ACER3: variants seen among roughly 807,000 people sequenced by gnomAD.
ACER3 encodes the protein alkaline ceramidase 3, also known as alkCDase 3.
A neutral mutation model predicts 48.9 loss-of-function variants in ACER3; 16 were observed. The ratio of observed to expected loss-of-function variants is 0.33; its 90% CI spans 0.22 to 0.50. ACER3 has a LOEUF of 0.50. ACER3 is among the 20% of genes least tolerant of loss of function. The pLI is 0.98. For synonymous variants in ACER3, 109 were observed against 107.8 expected, an observed-to-expected ratio of 1.01 and a Z score of -0.07; for missense variants, 227 against 326.0, an observed-to-expected ratio of 0.70 and a Z score of 2.34.
At chr11:76,937,414 A>G (rs1947219074) in intron 2 of ACER3, among the ~76,000 whole-genome samples, 1 of 152,246 alleles carries the variant, frequency 6.6e-6, no homozygotes, top group Non-Finnish European at 1.5e-5. Flanking sequence ...TTAAATGTAC[A>G]CAAGGTTACT....
At chr11:76,988,393 T>C (rs1221859627) in intron 5 of ACER3, among the ~76,000 whole-genome samples, 1 of 152,232 alleles carries the variant, frequency 6.6e-6, no homozygotes, top group Non-Finnish European at 1.5e-5. Context: ...AGAAGTTTAA[T>C]TGACTCACAG....
intron 1 of ACER3, among the ~76,000 whole-genome samples, chr11:76,913,089 C>T (rs993094020): frequency 6.6e-6 from 1 of 152,116 alleles, no homozygotes; most frequent in Non-Finnish European, 1.5e-5. Flanking sequence ...CTTCACCTCC[C>T]TTGTAAGTTG....
At chr11:76,905,240 T>A (rs1012590358) in intron 1 of ACER3, among the ~76,000 whole-genome samples, 17 of 152,210 alleles carry the variant, frequency 1.1e-4, no homozygotes, top group Non-Finnish European at 2.2e-4. Flanking sequence ...AGATTTTTTT[T>A]ATGTTACAAG....
chr11:76,875,389 T>C (rs188156715), intron 1 of ACER3, among the ~76,000 whole-genome samples: 46 of 151,960 alleles, frequency 3.0e-4, no homozygotes, highest in African/African-American at 1.1e-3. Context: ...TGGGATTACA[T>C]AAAGGCGTGA....
intron 7 of ACER3, among the ~76,000 whole-genome samples, chr11:77,014,634 A>G (rs926131509): frequency 6.6e-6 from 1 of 152,212 alleles, no homozygotes; most frequent in Non-Finnish European, 1.5e-5. Context: ...CAATACATTT[A>G]TTAAAGTCTG....
At chr11:76,935,554 T>C (rs1947156010) in intron 2 of ACER3, among the ~76,000 whole-genome samples, 1 of 152,120 alleles carries the variant, frequency 6.6e-6, no homozygotes, top group African/African-American at 2.4e-5. Context: ...ATCAGTAATA[T>C]ACAAAGAAAA....
rs188652556 is a variant in ACER3, at chr11:76,967,134, C to T, written c.267+8103C>T. Among the ~76,000 whole-genome samples, 211 of 152,120 alleles carry T rather than the reference C, an allele frequency of 1.4e-3. 1 individual carries two copies. The East Asian group carries it at 0.027, about 20-fold the overall frequency. On this transcript the variant is annotated intron_variant, in intron 3 of 10. Transcript: ENST00000532485. ...AAAATGATAAAGGGGATATCACCAC[C>T]GATCCCACAGAAATACAAACTACCA...
chr11:76,987,760 G>A (rs908332517), intron 5 of ACER3, among the ~76,000 whole-genome samples: 2 of 152,146 alleles, frequency 1.3e-5, no homozygotes, highest in Non-Finnish European at 2.9e-5. Context: ...AACATAGTGA[G>A]ACCTCGTCTC....
intron 1 of ACER3, 38 bp from the exon 2 acceptor site, chr11:76,926,518 TG>T (rs1485691129): frequency 8.0e-7 from 1 of 1,252,970 alleles, no homozygotes; most frequent in Admixed American, 1.9e-5. Context: ...AAAGTGTTAT[TG>T]ATTAACCTAA....
At chr11:76,891,942 A>G (rs920241895) in intron 1 of ACER3, among the ~76,000 whole-genome samples, 1 of 152,182 alleles carries the variant, frequency 6.6e-6, no homozygotes, top group African/African-American at 2.4e-5. Context: ...GTATAGACTA[A>G]CACTCATGAT....
intron 1 of ACER3, among the ~76,000 whole-genome samples, chr11:76,880,451 C>T (rs1162737030): frequency 6.6e-6 from 1 of 152,234 alleles, no homozygotes; most frequent in Non-Finnish European, 1.5e-5. Flanking sequence ...AATTCTGACA[C>T]TGTCTACTTG....
chr11:76,864,673 C>T (rs1026418532), intron 1 of ACER3, among the ~76,000 whole-genome samples: 1 of 137,146 alleles, frequency 7.3e-6, no homozygotes, highest in Admixed American at 8.1e-5. Context: ...GATCTCGGCT[C>T]ACTGCAACCT....
intron 4 of ACER3, among the ~76,000 whole-genome samples, chr11:76,979,511 G>C (rs898918226): frequency 2.6e-5 from 4 of 152,108 alleles, no homozygotes; most frequent in African/African-American, 9.7e-5. Flanking sequence ...AAATTAGCCA[G>C]GCGTGGTGAT....
rs1050979464 is a variant in ACER3 at position 76,959,229 on chromosome 11, T to C, written c.267+198T>C. On this transcript the variant is annotated intron_variant, in intron 3 of 10. Transcript: ENST00000532485. The stretch of plus-strand genomic sequence containing the variant: ...AGTCCATAAGGAAAACAAGTACAAA[T>C]AGTATAGGGCTTTTTGACCATCTCT... 2.8e-6 allele frequency: 4 copies of C among 1,451,974 alleles called. No individual in the cohort carries two copies. The Admixed American group carries it at 7.2e-5, about 26-fold the overall frequency. The allele number at this position is 1,451,974 out of a possible 1,614,324, so 89.9% of individuals were successfully genotyped here. A position where few individuals can be genotyped will look rare whatever the true frequency, so the allele number is the denominator to read the frequency against.
At chr11:76,913,159 G>T (rs185820465) in intron 1 of ACER3, among the ~76,000 whole-genome samples, 77 of 152,098 alleles carry the variant, frequency 5.1e-4, no homozygotes, top group Admixed American at 3.3e-3. Flanking sequence ...CTCATGATTT[G>T]GCTCTCTGTT....
At chr11:76,877,697 C>G (rs745889524) in intron 1 of ACER3, among the ~76,000 whole-genome samples, 3 of 152,084 alleles carry the variant, frequency 2.0e-5, no homozygotes, top group Non-Finnish European at 4.4e-5. Context: ...TAAAGGAGGA[C>G]AGTCCTTTGG....
intron 7 of ACER3, among the ~76,000 whole-genome samples, chr11:76,999,432 C>T (rs1298808104): frequency 6.6e-6 from 1 of 151,030 alleles, no homozygotes; most frequent in East Asian, 1.9e-4. Flanking sequence ...TGTAAAAATG[C>T]ATACATTTGT....
At chr11:76,934,146 C>T (rs946869099) in intron 2 of ACER3, among the ~76,000 whole-genome samples, 6 of 151,520 alleles carry the variant, frequency 4.0e-5, no homozygotes, top group Admixed American at 1.3e-4. Context: ...CGGGCAGAGA[C>T]GCTCCTCACT....
intron 3 of ACER3, among the ~76,000 whole-genome samples, chr11:76,971,193 G>A (rs972121046): frequency 6.6e-6 from 1 of 152,108 alleles, no homozygotes; most frequent in African/African-American, 2.4e-5. Context: ...TGTACATGTT[G>A]TGTTGTAGGG....
Sources: allele counts gnomAD v4.1 joint callset (sites outside exome capture counted in the v4.1 genomes callset), GRCh38; gene constraint gnomAD v4.1.1; transcripts MANE v1.5; gene names NCBI Gene and HGNC (gene_info 2026-07-23, HGNC 2026-07-21).